SCRG1: variants seen among roughly 807,000 people sequenced by gnomAD.
SCRG1 encodes scrapie-responsive protein 1.
Under a neutral mutation model 7.7 loss-of-function variants are expected in SCRG1, and 3 were observed. The ratio of observed to expected loss-of-function variants is 0.39; its 90% CI spans 0.18 to 1.01. SCRG1 has a LOEUF of 1.01. Among genes scored for constraint, SCRG1 ranks in the 50% least tolerant of loss-of-function variants. The pLI, the probability that SCRG1 is intolerant of heterozygous loss-of-function variation, is 0.36. For missense variants in SCRG1, 110 were observed against 117.2 expected (o/e 0.94, Z 0.28); for synonymous variants, 46 against 41.2 (o/e 1.12, Z -0.44).
At chr4:173,421,565 C>T in the SCRG1 span, among the ~76,000 whole-genome samples, 8 of 152,192 alleles carry the variant, frequency 5.3e-5, no homozygotes, top group South Asian at 2.1e-4. Flanking sequence ...AGAGCTAGGA[C>T]GAGGGGATGT....
chr4:173,490,255 A>T, the SCRG1 span, among the ~76,000 whole-genome samples: 7 of 152,238 alleles, frequency 4.6e-5, no homozygotes, highest in African/African-American at 1.7e-4. Context: ...TTATTAAATC[A>T]CTTCCCAAAG....
chr4:173,443,623 G>T, the SCRG1 span, among the ~76,000 whole-genome samples: 5 of 152,058 alleles, frequency 3.3e-5, no homozygotes, highest in Admixed American at 6.6e-5. Context: ...TAAGAGAAGG[G>T]GTCTTGCTAT....
At chr4:173,492,864 A>G in the SCRG1 span, among the ~76,000 whole-genome samples, 1 of 152,222 alleles carries the variant, frequency 6.6e-6, no homozygotes, top group Non-Finnish European at 1.5e-5. Context: ...GTGACTGGGA[A>G]TTACAGTTTT....
the SCRG1 span, among the ~76,000 whole-genome samples, chr4:173,489,298 C>T: frequency 3.5e-4 from 53 of 152,178 alleles, 1 homozygote; most frequent in African/African-American, 1.3e-3. Context: ...CCCACTGCTT[C>T]AAATTAAGGT....
the SCRG1 span, among the ~76,000 whole-genome samples, chr4:173,479,000 C>G: frequency 6.6e-6 from 1 of 152,186 alleles, no homozygotes; most frequent in Non-Finnish European, 1.5e-5. Flanking sequence ...CACAATTACT[C>G]TATACTAAGA....
chr4:173,494,535 G>C, the SCRG1 span, among the ~76,000 whole-genome samples: 1 of 152,248 alleles, frequency 6.6e-6, no homozygotes, highest in East Asian at 1.9e-4. Context: ...AAATCCTCCA[G>C]CTCTAGCAGG....
At chr4:173,428,976 A>G in the SCRG1 span, among the ~76,000 whole-genome samples, 1 of 152,220 alleles carries the variant, frequency 6.6e-6, no homozygotes, top group Non-Finnish European at 1.5e-5. Context: ...TCAGTAATAT[A>G]GTATACTTTT....
chr4:173,424,897 TTAAAA>T, the SCRG1 span, among the ~76,000 whole-genome samples: 3 of 130,882 alleles, frequency 2.3e-5, no homozygotes, highest in African/African-American at 8.2e-5. Context: ...AGACTCCATC[TTAAAA>T]TAAAATAAAA....
intron 1 of SCRG1, among the ~76,000 whole-genome samples, chr4:173,391,659 A>G (rs911187460): frequency 6.6e-6 from 1 of 152,218 alleles, no homozygotes; most frequent in African/African-American, 2.4e-5. Flanking sequence ...GGCCAGGCAC[A>G]GTGGCTCATG....
At chr4:173,491,510 C>T in the SCRG1 span, among the ~76,000 whole-genome samples, 16 of 152,234 alleles carry the variant, frequency 1.1e-4, no homozygotes, top group South Asian at 2.7e-3. Context: ...CAAACAATTC[C>T]CTCTGGACAA....
At chr4:173,487,860 T>G in the SCRG1 span, among the ~76,000 whole-genome samples, 1 of 152,024 alleles carries the variant, frequency 6.6e-6, no homozygotes, top group African/African-American at 2.4e-5. Flanking sequence ...CCCAGCACTT[T>G]GGGAGGCCGA....
chr4:173,388,198 A>G lies in SCRG1; in HGVS notation c.*143T>C. 1.9e-6 allele frequency: 1 copy of G among 513,006 alleles called. No homozygotes were observed. The highest frequency in any genetic ancestry group is 3.4e-6 in the Non-Finnish European group (1 of 290,898). The allele number at this position is 513,006 out of a possible 1,614,324, so 31.8% of individuals were successfully genotyped here. On this transcript the variant is annotated 3_prime_UTR_variant, in exon 3 of 3. Transcript: ENST00000296506. ...TAACTTTTATTACTACTTGTTTAAC[A>G]CAGATTTACTTGTCTTAGACAAGTA...
chr4:173,513,062 A>C, the SCRG1 span, among the ~76,000 whole-genome samples: 1 of 152,176 alleles, frequency 6.6e-6, no homozygotes, highest in Non-Finnish European at 1.5e-5. Context: ...ACATAGCAAA[A>C]AACCTCTCTA....
At chr4:173,393,830 T>C (rs550712262) in intron 1 of SCRG1, among the ~76,000 whole-genome samples, 1 of 152,268 alleles carries the variant, frequency 6.6e-6, no homozygotes, top group East Asian at 1.9e-4. Context: ...ATAATTGTTA[T>C]AGCTTCCTGG....
chr4:173,438,936 A>G, the SCRG1 span, among the ~76,000 whole-genome samples: 1 of 152,002 alleles, frequency 6.6e-6, no homozygotes, highest in Non-Finnish European at 1.5e-5. Context: ...CTGGACACCT[A>G]CATGGTTTCC....
At chr4:173,428,851 T>C in the SCRG1 span, among the ~76,000 whole-genome samples, 7 of 152,214 alleles carry the variant, frequency 4.6e-5, no homozygotes, top group African/African-American at 1.7e-4. Context: ...AATTCAAAAA[T>C]CATAAGGCCT....
intron 1 of SCRG1, among the ~76,000 whole-genome samples, chr4:173,404,643 G>T (rs1251578389): frequency 6.6e-6 from 1 of 152,180 alleles, no homozygotes; most frequent in Non-Finnish European, 1.5e-5. Flanking sequence ...TTGTGTGTCT[G>T]CTGTGTACCA....
At chr4:173,426,048 A>G in the SCRG1 span, among the ~76,000 whole-genome samples, 1 of 152,260 alleles carries the variant, frequency 6.6e-6, no homozygotes, top group Non-Finnish European at 1.5e-5. Flanking sequence ...TTTCACAAAT[A>G]TAAATATAGG....
At chr4:173,441,050 G>A in the SCRG1 span, among the ~76,000 whole-genome samples, 44,414 of 151,986 alleles carry the variant, frequency 0.29, 6,939 homozygotes, top group South Asian at 0.46. Flanking sequence ...CATTAATTTG[G>A]GGGTGGGTGG....
Sources: allele counts gnomAD v4.1 joint callset (sites outside exome capture counted in the v4.1 genomes callset), GRCh38; gene constraint gnomAD v4.1.1; transcripts MANE v1.5; gene names NCBI Gene and HGNC (gene_info 2026-07-23, HGNC 2026-07-21).